Variants in CDH2 observed in about 807,000 individuals in gnomAD.
CDH2 encodes the protein cadherin 2.
In CDH2, 17 loss-of-function variants were observed where a neutral mutation model predicts 92.0. The ratio of observed to expected loss-of-function variants is 0.18; its 90% CI spans 0.13 to 0.28. The LOEUF is 0.28. CDH2 is among the 10% of genes least tolerant of loss of function. The pLI is 1.00. For synonymous variants in CDH2, 419 were observed against 415.9 expected (o/e 1.01, Z -0.09); for missense variants, 862 against 1,133.1 (o/e 0.76, Z 3.44).
chr18:28,046,278 T>C (rs1241476663), intron 2 of CDH2, among the ~76,000 whole-genome samples: 1 of 152,178 alleles, frequency 6.6e-6, no homozygotes. Flanking sequence ...GGCACTTCAA[T>C]ACATTTACAC....
At chr18:28,130,637 G>A (rs576293492) in intron 2 of CDH2, among the ~76,000 whole-genome samples, 2 of 152,186 alleles carry the variant, frequency 1.3e-5, no homozygotes, top group Non-Finnish European at 2.9e-5. Flanking sequence ...CCAGATGTGC[G>A]CATGGCTGCT....
intron 2 of CDH2, among the ~76,000 whole-genome samples, chr18:28,142,101 T>G (rs982398993): frequency 1.3e-5 from 2 of 152,062 alleles, no homozygotes; most frequent in Non-Finnish European, 2.9e-5. Flanking sequence ...TCTTTTCTAC[T>G]TCCTACTAGA....
At chr18:28,094,048 T>C (rs1444901785) in intron 2 of CDH2, among the ~76,000 whole-genome samples, 1 of 152,194 alleles carries the variant, frequency 6.6e-6, no homozygotes, top group Non-Finnish European at 1.5e-5. Context: ...TGAGCAAATA[T>C]GTGAATAAAC....
rs567170505 is a variant in CDH2, at chr18:28,090,509, C to T, written c.172+57164G>A. On this transcript the variant is annotated intron_variant, in intron 2 of 15. Transcript: ENST00000269141. ...AGAACACTGAGGACTACAGCTTCTT[C>T]CCCCCAGGCAGCGTCCACAAGCATC... Among the ~76,000 whole-genome samples, 4 of 152,220 alleles carry T rather than the reference C, an allele frequency of 2.6e-5. No individual in the cohort carries two copies. In the East Asian group the frequency reaches 7.7e-4, roughly 29 times the overall value.
intron 2 of CDH2, among the ~76,000 whole-genome samples, chr18:28,060,253 C>G (rs997036058): frequency 3.9e-5 from 6 of 152,148 alleles, no homozygotes; most frequent in East Asian, 3.9e-4. Context: ...GTGGCACAAT[C>G]TCGGTTCACT....
rs1414905410 is a variant in CDH2 at position 28,013,899 on chromosome 18, G to A, written c.183C>T (p.Ser61=). The change falls in exon 3 of 16, where the codon AGC becomes AGT. Residue 61 remains serine, a synonymous_variant. Transcript: ENST00000269141. ...EGQPLLNVKF[S]NCNGKRKVQY... is the part of the protein sequence containing the mutation. ...GTACTTTTCTTTTTCCATTGCAGTT[G>A]CTAAACTTCACTGTAAAAGATAAGA... is the stretch of plus-strand genomic sequence containing the variant. 6.2e-7 allele frequency: 1 copy of A among 1,610,634 alleles called. No homozygotes were observed. The highest frequency in any genetic ancestry group is 8.5e-7 in the Non-Finnish European group (1 of 1,178,932).
At chr18:28,043,260 G>A (rs971905177) in intron 2 of CDH2, among the ~76,000 whole-genome samples, 3 of 151,506 alleles carry the variant, frequency 2.0e-5, no homozygotes, top group Admixed American at 6.6e-5. Context: ...AGGATACAAA[G>A]GCATAAGAAT....
intron 1 of CDH2, among the ~76,000 whole-genome samples, chr18:28,151,902 T>C (rs535388981): frequency 2.0e-5 from 3 of 152,332 alleles, no homozygotes; most frequent in Admixed American, 6.5e-5. Context: ...AAAGCAGTCA[T>C]AGACAATCAG....
intron 2 of CDH2, among the ~76,000 whole-genome samples, chr18:28,108,088 A>AT (rs903074774): frequency 1.2e-4 from 18 of 150,982 alleles, no homozygotes; most frequent in East Asian, 5.8e-4. Flanking sequence ...TAACCTTCCC[A>AT]TTTTTTTTTC....
rs760321501 is a variant in CDH2 at position 28,045,555 on chromosome 18, T to C, written c.173-31646A>G. 1.0e-5 allele frequency: 4 copies of C among 396,000 alleles called. No individual in the cohort carries two copies. In the Middle Eastern group the frequency reaches 1.1e-3, roughly 107 times the overall value. 24.5% of individuals were successfully genotyped at this position (396,000 alleles called of 1,614,324 possible). The stretch of plus-strand genomic sequence containing the variant: ...AACACATCCAACTGTTTCAGGCTTC[T>C]GCCTTGCTCATGCTAGCCTATCTGA... On this transcript the variant is annotated intron_variant, in intron 2 of 15. Coordinates refer to ENST00000269141, the MANE Select transcript of CDH2 (RefSeq NM_001792.5).
chr18:28,072,475 C>G (rs188535012), intron 2 of CDH2, among the ~76,000 whole-genome samples: 1 of 152,296 alleles, frequency 6.6e-6, no homozygotes, highest in African/African-American at 2.4e-5. Flanking sequence ...CTTTTCCTTA[C>G]CACCATCTGT....
chr18:28,074,545 C>T (rs1550662), intron 2 of CDH2, among the ~76,000 whole-genome samples: 12 of 151,900 alleles, frequency 7.9e-5, no homozygotes, highest in Admixed American at 3.9e-4. Flanking sequence ...CACGCCCGGA[C>T]GGGTCTTTAG....
intron 14 of CDH2, among the ~76,000 whole-genome samples, chr18:27,977,875 A>C (rs17468122): frequency 0.15 from 23,367 of 152,224 alleles, 2,173 homozygotes; most frequent in East Asian, 0.39. Flanking sequence ...CATAAAAAAA[A>C]AGCAATGGAT....
intron 2 of CDH2, among the ~76,000 whole-genome samples, chr18:28,106,458 C>T (rs929184668): frequency 2.3e-5 from 3 of 127,982 alleles, no homozygotes; most frequent in Non-Finnish European, 4.9e-5. Flanking sequence ...ATGTTATGGA[C>T]ATCAACTTAC....
intron 2 of CDH2, among the ~76,000 whole-genome samples, chr18:28,040,298 G>A (rs1198828431): frequency 6.6e-6 from 1 of 152,136 alleles, no homozygotes; most frequent in African/African-American, 2.4e-5. Flanking sequence ...TATGAAGCAC[G>A]TTAAATGATG....
chr18:28,168,767 T>C (rs1439205145), intron 1 of CDH2: 1 of 152,710 alleles, frequency 6.5e-6, no homozygotes, highest in Non-Finnish European at 1.5e-5. Context: ...GCAAAATATT[T>C]AAGGCCAAGA....
intron 5 of CDH2, among the ~76,000 whole-genome samples, chr18:28,007,435 C>T (rs1465520757): frequency 6.6e-6 from 1 of 151,378 alleles, no homozygotes; most frequent in African/African-American, 2.4e-5. Context: ...AAGTCTGATG[C>T]TTGCCATTGG....
chr18:28,036,863 G>T (rs1349167207), intron 2 of CDH2, among the ~76,000 whole-genome samples: 3 of 152,068 alleles, frequency 2.0e-5, no homozygotes, highest in Non-Finnish European at 4.4e-5. Context: ...CTTTAAGGGG[G>T]TAAAACAGCA....
intron 2 of CDH2, among the ~76,000 whole-genome samples, chr18:28,096,569 C>T (rs140408288): frequency 6.6e-6 from 1 of 151,884 alleles, no homozygotes; most frequent in African/African-American, 2.4e-5. Context: ...CAAAAATACA[C>T]CACAAGAAAT....
Sources: allele counts gnomAD v4.1 joint callset (sites outside exome capture counted in the v4.1 genomes callset), GRCh38; gene constraint gnomAD v4.1.1; transcripts MANE v1.5; gene names NCBI Gene and HGNC (gene_info 2026-07-23, HGNC 2026-07-21).